CDH4: variants seen among roughly 807,000 people sequenced by gnomAD.
CDH4 encodes the protein cadherin-4.
In CDH4, 33 loss-of-function variants were observed where a neutral mutation model predicts 86.0. The observed-to-expected ratio is 0.38, with a 90% confidence interval of 0.29 to 0.51. The LOEUF is 0.51. Ranked by LOEUF, CDH4 falls within the 20% of genes least tolerant of loss-of-function variation. The probability of loss-of-function intolerance (pLI) is 0.86; values close to 1 mark genes in which losing one functional copy is unlikely to be tolerated. For missense variants in CDH4, 1,114 were observed against 1,307.4 expected, an observed-to-expected ratio of 0.85 and a Z score of 2.28; for synonymous variants, 555 against 549.4, an observed-to-expected ratio of 1.01 and a Z score of -0.14.
At chr20:61,313,498 C>T (rs2084459142) in intron 2 of CDH4, among the ~76,000 whole-genome samples, 1 of 152,156 alleles carries the variant, frequency 6.6e-6, no homozygotes, top group Admixed American at 6.5e-5. Flanking sequence ...GTCGGGAAGC[C>T]ACCAGGCACC....
chr20:61,318,587 C>T (rs937363065), intron 2 of CDH4, among the ~76,000 whole-genome samples: 1 of 152,170 alleles, frequency 6.6e-6, no homozygotes, highest in Non-Finnish European at 1.5e-5. Context: ...TCTAGAAGGG[C>T]ACCATGGTCC....
At chr20:61,815,174 C>T (rs1980648985) in intron 4 of CDH4, among the ~76,000 whole-genome samples, 1 of 152,144 alleles carries the variant, frequency 6.6e-6, no homozygotes, top group Admixed American at 6.6e-5. Context: ...GGAGGTGGGG[C>T]AGAAAAAGCT....
chr20:61,549,696 G>T (rs73611534), intron 2 of CDH4, among the ~76,000 whole-genome samples: 1 of 152,186 alleles, frequency 6.6e-6, no homozygotes, highest in Non-Finnish European at 1.5e-5. Flanking sequence ...TATGTGCACC[G>T]CTGGGGGCCA....
At chr20:61,799,381 G>T (rs779297224) in intron 4 of CDH4, among the ~76,000 whole-genome samples, 7 of 152,238 alleles carry the variant, frequency 4.6e-5, no homozygotes, top group Non-Finnish European at 1.0e-4. Context: ...AATTTCTGGA[G>T]AACACGAGCA....
chr20:61,477,690 G>A (rs1416807539), intron 2 of CDH4, among the ~76,000 whole-genome samples: 1 of 152,174 alleles, frequency 6.6e-6, no homozygotes, highest in Non-Finnish European at 1.5e-5. Context: ...CCCATTCCTG[G>A]GGCAGCTTTC....
chr20:61,286,157 C>T lies in CDH4; in HGVS notation c.169+31220C>T, dbSNP rs1461801507. On this transcript the variant is annotated intron_variant, in intron 2 of 15. Transcript: ENST00000614565. ...AGCATTCATATCTCCTTCTCAATGCCCTTTTGCACTGAACACTGAGAGGGG... is the reference window on the plus strand; with the variant it reads ...AGCATTCATATCTCCTTCTCAATGCTCTTTTGCACTGAACACTGAGAGGGG... Among the ~76,000 whole-genome samples the T allele has an allele frequency of 6.6e-5, 10 of 152,280 alleles. No individual in the cohort carries two copies. In the East Asian group the frequency reaches 1.9e-3, roughly 29 times the overall value.
intron 2 of CDH4, among the ~76,000 whole-genome samples, chr20:61,389,007 G>A (rs1355876536): frequency 6.6e-6 from 1 of 152,248 alleles, no homozygotes; most frequent in Non-Finnish European, 1.5e-5. Flanking sequence ...AGTAAGAGAA[G>A]CATGGAGTCA....
At chr20:61,880,497 G>C (rs987589760) in intron 7 of CDH4, among the ~76,000 whole-genome samples, 5 of 152,236 alleles carry the variant, frequency 3.3e-5, no homozygotes, top group Non-Finnish European at 5.9e-5. Flanking sequence ...GAAGAGAAGA[G>C]AGGGAAGGAC....
At chr20:61,919,855 ATGG>A (rs2054948039) in intron 9 of CDH4, among the ~76,000 whole-genome samples, 1 of 9,504 alleles carries the variant, frequency 1.1e-4, no homozygotes, top group Non-Finnish European at 2.4e-4. Context: ...GTGTGGAAGC[ATGG>A]TGTCGCGGTG....
chr20:61,350,076 C>G (rs1356642986), intron 2 of CDH4, among the ~76,000 whole-genome samples: 1 of 151,954 alleles, frequency 6.6e-6, no homozygotes, highest in Non-Finnish European at 1.5e-5. Context: ...ATACCTCTGA[C>G]CTTGCCTCTC....
At chr20:61,701,579 C>T (rs1408255950) in intron 2 of CDH4, among the ~76,000 whole-genome samples, 2 of 152,178 alleles carry the variant, frequency 1.3e-5, no homozygotes, top group East Asian at 3.9e-4. Context: ...ATGGGAGTGG[C>T]GTGTGCCATG....
intron 4 of CDH4, among the ~76,000 whole-genome samples, chr20:61,800,104 G>A (rs1979750538): frequency 6.6e-6 from 1 of 152,210 alleles, no homozygotes; most frequent in Non-Finnish European, 1.5e-5. Context: ...GCCGGGTGGG[G>A]CCAGCATCCT....
chr20:61,692,629 GCGA>G (rs1382094910), intron 2 of CDH4, among the ~76,000 whole-genome samples: 1 of 152,160 alleles, frequency 6.6e-6, no homozygotes, highest in Non-Finnish European at 1.5e-5. Context: ...CTGTGTCCGT[GCGA>G]GCAAATCCCC....
intron 2 of CDH4, among the ~76,000 whole-genome samples, chr20:61,443,112 T>A (rs768948845): frequency 9.2e-5 from 14 of 152,230 alleles, no homozygotes; most frequent in Non-Finnish European, 1.9e-4. Flanking sequence ...TGTTTTTTAA[T>A]GTAATCTATA....
chr20:61,388,565 C>T (rs780510128), intron 2 of CDH4, among the ~76,000 whole-genome samples: 5 of 152,170 alleles, frequency 3.3e-5, no homozygotes, highest in Admixed American at 1.3e-4. Flanking sequence ...CTCCACTGGC[C>T]GTGAGTGTTG....
intron 4 of CDH4, among the ~76,000 whole-genome samples, chr20:61,824,540 G>A (rs1342963894): frequency 1.3e-5 from 2 of 152,086 alleles, no homozygotes; most frequent in East Asian, 1.9e-4. Context: ...TGAGCCGTCT[G>A]CCCTGTTAGA....
chr20:61,710,078 A>G (rs1408989504), intron 2 of CDH4, among the ~76,000 whole-genome samples: 2 of 152,166 alleles, frequency 1.3e-5, no homozygotes, highest in Non-Finnish European at 2.9e-5. Context: ...CAGAATCCTC[A>G]ATAAATGGAT....
intron 2 of CDH4, among the ~76,000 whole-genome samples, chr20:61,391,320 ACTTG>A (rs1274675749): frequency 6.6e-5 from 10 of 152,112 alleles, no homozygotes; most frequent in Non-Finnish European, 1.5e-4. Flanking sequence ...CTGGGTCCGG[ACTTG>A]CTAAACCTAT....
chr20:61,855,487 G>A (rs1982958334), intron 6 of CDH4, among the ~76,000 whole-genome samples: 1 of 152,160 alleles, frequency 6.6e-6, no homozygotes, highest in African/African-American at 2.4e-5. Flanking sequence ...TGCAGATGTG[G>A]AGGAGTGGGC....
Sources: allele counts gnomAD v4.1 joint callset (sites outside exome capture counted in the v4.1 genomes callset), GRCh38; gene constraint gnomAD v4.1.1; transcripts MANE v1.5; gene names NCBI Gene and HGNC (gene_info 2026-07-23, HGNC 2026-07-21).